Variants in SRCIN1 observed in about 807,000 individuals in gnomAD.
SRCIN1 encodes the protein P130Cas-associated protein.
SRCIN1 carries 50 observed loss-of-function variants against 116.2 expected under a neutral mutation model. That is an observed-to-expected ratio of 0.43 (90% confidence interval 0.34 to 0.54). The LOEUF is 0.54. SRCIN1 is among the 20% of genes least tolerant of loss of function. The probability of loss-of-function intolerance (pLI) is 0.02; values close to 1 mark genes in which losing one functional copy is unlikely to be tolerated. For synonymous variants in SRCIN1, 736 were observed against 750.0 expected, an observed-to-expected ratio of 0.98 and a Z score of 0.30; for missense variants, 1,446 against 1,672.0, an observed-to-expected ratio of 0.86 and a Z score of 2.36.
chr17:38,551,765 C>T lies in SRCIN1; in HGVS notation c.2727+121G>A. On this transcript the variant is annotated intron_variant, in intron 14 of 18. Transcript: ENST00000617146. ...TGCTTCTTAGGCTTCCATTAGGGCACTGGCCCTCCTCCCCCAAGGAAAAAG... is the reference window on the plus strand; with the variant it reads ...TGCTTCTTAGGCTTCCATTAGGGCATTGGCCCTCCTCCCCCAAGGAAAAAG... 3 of 1,538,892 alleles carry T rather than the reference C, an allele frequency of 1.9e-6. 1 individual carries two copies. Among genetic ancestry groups the T allele is most frequent in the Non-Finnish European group, 2.7e-6 (3 of 1,129,098 alleles).
upstream of SRCIN1, among the ~76,000 whole-genome samples, chr17:38,606,728 C>T (rs909486795): frequency 6.6e-6 from 1 of 152,190 alleles, no homozygotes; most frequent in Non-Finnish European, 1.5e-5. The surrounding 1 kb of genome is among the most constrained non-coding windows in gnomAD (Gnocchi z 5.2). Context: ...CTGCCGTCCC[C>T]CGCCCCTCCG....
At position 38,559,578 on chromosome 17, in the gene SRCIN1, G is replaced by T. The variant is rs1408348024; in HGVS notation, c.2025+7C>A. On this transcript the variant is annotated splice_region_variant and intron_variant, in intron 10 of 18. Transcript: ENST00000617146. ...TTGGTGGGGCGGGGCCCAGGACGGG[G>T]CGGTACCTGGAGCTTGCGCAACTGC... is the stretch of plus-strand genomic sequence containing the variant. The T allele has an allele frequency of 6.3e-7, 1 of 1,597,940 alleles. No individual in the cohort carries two copies. Among genetic ancestry groups the T allele is most frequent in the Admixed American group, 1.7e-5 (1 of 59,764 alleles).
intron 1 of SRCIN1, among the ~76,000 whole-genome samples, chr17:38,603,221 GAGAA>G (rs1415669667): frequency 1.3e-5 from 2 of 152,086 alleles, no homozygotes; most frequent in African/African-American, 4.8e-5. Flanking sequence ...GGGAGAGAGA[GAGAA>G]AGAGAGAGAG....
Position 38,551,957 on chromosome 17 carries a change from T to G in SRCIN1, c.2656A>C (p.Lys886Gln), listed in dbSNP as rs374176805. 6.2e-7 allele frequency: 1 copy of G among 1,613,814 alleles called. No individual in the cohort carries two copies. Among genetic ancestry groups the G allele is most frequent in the African/African-American group, 1.3e-5 (1 of 74,900 alleles). Residue 886 changes from lysine (K) to glutamine (Q), a missense_variant, in exon 14 of 19, where the codon AAG (lysine) becomes CAG (glutamine). Physicochemically the swap from Lys to Gln is moderately conservative, Grantham distance 53 (BLOSUM62 1). Transcript: ENST00000617146. ...GPAEGASLTP[K>Q]GGNPTKGLDT... is the part of the protein sequence containing the mutation. ...AGGCCTTTGGTGGGGTTGCCCCCCT[T>G]GGGGGTAAGAGAGGCTCCTTCAGCT...
In SRCIN1 at chr17:38,563,247, G is replaced by T; in HGVS notation, c.740+76C>A. On this transcript the variant is annotated intron_variant, in intron 5 of 18. Coordinates refer to ENST00000617146, the MANE Select transcript of SRCIN1 (RefSeq NM_025248.3). The surrounding 1 kb of genome is among the most constrained non-coding windows in gnomAD (Gnocchi z 5.8). ...GTCGGGTCAGGAAGGAGCTGGGGAA[G>T]GGCCGGCGGGGTCCAGCACCCTGCA... 1 of 1,506,172 alleles carries T rather than the reference G, an allele frequency of 6.6e-7. No homozygotes were observed. The highest frequency in any genetic ancestry group is 1.2e-5 in the South Asian group (1 of 83,032). The allele number at this position is 1,506,172 out of a possible 1,614,324, so 93.3% of individuals were successfully genotyped here.
intron 15 of SRCIN1, among the ~76,000 whole-genome samples, chr17:38,549,697 C>T (rs1905269021): frequency 6.6e-6 from 1 of 152,234 alleles, no homozygotes; most frequent in Non-Finnish European, 1.5e-5. Flanking sequence ...TCCTCCAGCC[C>T]TGCTTCCGGG....
chr17:38,533,304 G>T lies in SRCIN1; in HGVS notation c.3545C>A (p.Ser1182Tyr). Residue 1182 changes from serine to tyrosine, a missense_variant, in exon 19 of 19, where the codon TCC becomes TAC. Physicochemically the swap from Ser to Tyr is moderately radical, Grantham distance 144. Around this residue, in one of 5 missense-constraint regions of SRCIN1, gnomAD observed 531 missense variants for 633.9 expected, o/e 0.84. Coordinates refer to ENST00000617146, the MANE Select transcript of SRCIN1 (RefSeq NM_025248.3). ...CAGCGGGGTGAGGGGCTTCTAGAAG[G>T]AGATGGAAGAATTCCTTGCCCCAAA... ...TSFGARNSSI[S>Y]F is the part of the protein sequence containing the mutation. 6.4e-7 allele frequency: 1 copy of T among 1,561,738 alleles called. No homozygotes were observed. Among genetic ancestry groups the T allele is most frequent in the Non-Finnish European group, 8.7e-7 (1 of 1,151,030 alleles).
At chr17:38,578,979 GA>G (rs1322824514) in intron 1 of SRCIN1, among the ~76,000 whole-genome samples, 188 bp from the exon 2 acceptor site, 1 of 152,218 alleles carries the variant, frequency 6.6e-6, no homozygotes. Context: ...GGATGGCGTG[GA>G]AAGCGCGCCT....
At chr17:38,587,341 A>G (rs1208094927) in intron 1 of SRCIN1, among the ~76,000 whole-genome samples, 1 of 151,918 alleles carries the variant, frequency 6.6e-6, no homozygotes, top group Admixed American at 6.5e-5. Context: ...TCTCTCCCCC[A>G]GGGCCCCAGG....
chr17:38,598,434 G>T (rs188746189), intron 1 of SRCIN1, among the ~76,000 whole-genome samples: 19 of 152,216 alleles, frequency 1.2e-4, no homozygotes, highest in Non-Finnish European at 2.5e-4. Context: ...TGCAGAACAC[G>T]TCCCCCCCGC....
chr17:38,538,887 C>T (rs558766424), intron 18 of SRCIN1, among the ~76,000 whole-genome samples: 6 of 152,144 alleles, frequency 3.9e-5, no homozygotes, highest in Admixed American at 2.6e-4. Context: ...CTCTCTGTGC[C>T]TTCATGTCCT....
intron 1 of SRCIN1, among the ~76,000 whole-genome samples, chr17:38,600,831 C>T (rs1027696575): frequency 1.3e-5 from 2 of 152,234 alleles, no homozygotes; most frequent in Non-Finnish European, 2.9e-5. Context: ...GGGGTCCCCT[C>T]GACTACAGCC....
chr17:38,535,396 G>A (rs2040987689), intron 18 of SRCIN1, among the ~76,000 whole-genome samples: 1 of 151,986 alleles, frequency 6.6e-6, no homozygotes, highest in Non-Finnish European at 1.5e-5. Context: ...TTAGTAAGAC[G>A]AGGTTTCTCC....
At chr17:38,546,678 T>G (rs1168389806) in intron 17 of SRCIN1, 1 of 152,500 alleles carries the variant, frequency 6.6e-6, no homozygotes. Flanking sequence ...GAGGCGCCCC[T>G]TCCATACAGC....
intron 1 of SRCIN1, among the ~76,000 whole-genome samples, chr17:38,603,231 G>C (rs1909164666): frequency 6.6e-6 from 1 of 152,122 alleles, no homozygotes; most frequent in Non-Finnish European, 1.5e-5. Flanking sequence ...GAGAAAGAGA[G>C]AGAGAGAGCG....
intron 1 of SRCIN1, among the ~76,000 whole-genome samples, chr17:38,586,399 C>T (rs1477677153): frequency 2.6e-5 from 4 of 152,202 alleles, no homozygotes; most frequent in African/African-American, 9.7e-5. Flanking sequence ...GTTGTCCCCT[C>T]CTCCACCTCC....
In SRCIN1 at chr17:38,558,289, G is replaced by A; in HGVS notation, c.2139C>T (p.Thr713=). 1 of 1,612,288 alleles carries A rather than the reference G, an allele frequency of 6.2e-7. No homozygotes were observed. Among genetic ancestry groups the A allele is most frequent in the Non-Finnish European group, 8.5e-7 (1 of 1,179,670 alleles). The change falls in exon 11 of 19, where the codon ACC becomes ACT. Residue 713 remains threonine (T), a synonymous_variant. Transcript: ENST00000617146. The surrounding 1 kb of genome is among the most constrained non-coding windows in gnomAD (Gnocchi z 4.6). The part of the protein sequence containing the change: ...RQEDPLQRQR[T]LVEEERLRYL... ...AGCGCAGCCGTTCCTCTTCCACCAG[G>A]GTGCGCTGCCGCTGCAGCGGGTCCT...
chr17:38,603,611 A>G (rs1232539852), intron 1 of SRCIN1, among the ~76,000 whole-genome samples: 1 of 152,142 alleles, frequency 6.6e-6, no homozygotes, highest in African/African-American at 2.4e-5. Context: ...AAGAAGCAGG[A>G]ATTGTTGTGG....
intron 11 of SRCIN1, among the ~76,000 whole-genome samples, chr17:38,557,745 G>C (rs1325144037): frequency 3.3e-5 from 5 of 152,162 alleles, no homozygotes; most frequent in Non-Finnish European, 5.9e-5. Flanking sequence ...AGGAAGGTGG[G>C]TTTTCCTTGG....
Sources: gnomAD v4.1 joint callset for allele counts (sites outside exome capture counted in the v4.1 genomes callset) on GRCh38, gnomAD v4.1.1 for gene constraint, gnomAD v4.1.1 regional missense constraint, Gnocchi (gnomAD v3.1) non-coding constraint, MANE v1.5 for transcripts, NCBI Gene and HGNC (gene_info 2026-07-23, HGNC 2026-07-21) for gene names.